NFATC1: variants seen among roughly 807,000 people sequenced by gnomAD.
The protein encoded by NFATC1 is nuclear factor of activated T-cells, cytoplasmic 1.
In NFATC1, 22 loss-of-function variants were observed where a neutral mutation model predicts 76.0. The observed-to-expected ratio is 0.29, with a 90% CI of 0.21 to 0.41. The LOEUF is 0.41. Among genes scored for constraint, NFATC1 ranks in the 10% least tolerant of loss-of-function variants. NFATC1 has a pLI of 1.00. For synonymous variants in NFATC1, 704 were observed against 613.1 expected (o/e 1.15, Z -2.19); for missense variants, 1,357 against 1,337.7 (o/e 1.01, Z -0.23).
chr18:79,470,150 C>A, intron 8 of NFATC1: 1 of 295,374 alleles, frequency 3.4e-6, no homozygotes, highest in Non-Finnish European at 5.0e-6. Context: ...GGGTCCAGCT[C>A]AGATGGCTTC....
At chr18:79,478,896 G>A (rs115243397) in intron 8 of NFATC1, among the ~76,000 whole-genome samples, 121 of 152,312 alleles carry the variant, frequency 7.9e-4, no homozygotes, top group African/African-American at 2.7e-3. Flanking sequence ...GGATGCAAGC[G>A]TGAGGCCTGG....
intron 2 of NFATC1, chr18:79,421,721 A>T (rs561809631): frequency 6.6e-6 from 1 of 152,458 alleles, no homozygotes; most frequent in Admixed American, 6.5e-5. Flanking sequence ...GCTGCGTTGC[A>T]GGCACAGAGA....
chr18:79,433,605 A>T lies in NFATC1; in HGVS notation c.1253A>T (p.Gln418Leu). ...CCGACCCTGCCCGCCCTGGACTGGC[A>T]GCTGCCGTCCCACTCAGGCCCGTAT... ...MSPTLPALDWQLPSHSGPYEL... is the reference protein window; with the variant it reads ...MSPTLPALDWLLPSHSGPYEL... Residue 418 changes from glutamine (Q) to leucine (L), a missense_variant, in exon 3 of 10, where the codon CAG (glutamine) becomes CTG (leucine). Transcript: ENST00000427363. 6.2e-7 allele frequency: 1 copy of T among 1,612,518 alleles called. No homozygotes were observed. The highest frequency in any genetic ancestry group is 1.1e-5 in the South Asian group (1 of 91,028).
chr18:79,519,495 G>C (rs1336358068), intron 9 of NFATC1, among the ~76,000 whole-genome samples: 2 of 151,818 alleles, frequency 1.3e-5, no homozygotes, highest in South Asian at 2.1e-4. Flanking sequence ...ACCATGTCTG[G>C]CTAATTTTTA....
At chr18:79,438,067 T>A (rs1440466494) in intron 3 of NFATC1, among the ~76,000 whole-genome samples, 1 of 152,214 alleles carries the variant, frequency 6.6e-6, no homozygotes, top group Non-Finnish European at 1.5e-5. Context: ...GTTCTCCATC[T>A]GGGGGACTGT....
At chr18:79,444,726 CCCGTGGG>C (rs1301452317) in intron 3 of NFATC1, among the ~76,000 whole-genome samples, 4 of 143,420 alleles carry the variant, frequency 2.8e-5, no homozygotes, top group African/African-American at 8.7e-5. Flanking sequence ...CACAGGCACC[CCCGTGGG>C]CACACACGTG....
chr18:79,454,527 G>A (rs767352718), intron 6 of NFATC1, among the ~76,000 whole-genome samples: 11 of 152,170 alleles, frequency 7.2e-5, no homozygotes, highest in Non-Finnish European at 1.3e-4. Context: ...CCGTAGCCTG[G>A]GTGCCGGGTC....
chr18:79,458,086 A>G (rs907564752), intron 6 of NFATC1, among the ~76,000 whole-genome samples: 1 of 152,148 alleles, frequency 6.6e-6, no homozygotes, highest in African/African-American at 2.4e-5. Context: ...TCCTGAGCAC[A>G]TGCCTCGGTG....
At position 79,501,220 on chromosome 18, in the gene NFATC1, A is replaced by G. The variant is rs900253892; in HGVS notation, c.2782+14283A>G. Among the ~76,000 whole-genome samples the G allele has an allele frequency of 1.3e-5, 2 of 152,252 alleles. 1 individual carries two copies. Among genetic ancestry groups the G allele is most frequent in the Non-Finnish European group, 2.9e-5 (2 of 68,040 alleles). ...TGTACCATATTAATAGAAAAAGGAC[A>G]GAAACCACGTGATCATTTCAATAAA... On this transcript the variant is annotated intron_variant, in intron 9 of 9. Transcript: ENST00000427363.
At chr18:79,491,028 C>CG (rs1281596011) in intron 9 of NFATC1, among the ~76,000 whole-genome samples, 1 of 151,958 alleles carries the variant, frequency 6.6e-6, no homozygotes, top group Non-Finnish European at 1.5e-5. Context: ...ATGGGGACAG[C>CG]GGGAGAGGGA....
intron 1 of NFATC1, among the ~76,000 whole-genome samples, chr18:79,400,836 C>CTCCCCCGCCCT (rs1568909380): frequency 4.2e-5 from 1 of 23,722 alleles, no homozygotes. Context: ...CCCCCGACCC[C>CTCCCCCGCCCT]CCCCCCACCC....
At chr18:79,469,832 G>C in intron 8 of NFATC1, 1 of 985,086 alleles carries the variant, frequency 1.0e-6, no homozygotes, top group Non-Finnish European at 1.2e-6. Context: ...GCCCCCAGGG[G>C]CTCCCCGGCT....
intron 9 of NFATC1, among the ~76,000 whole-genome samples, chr18:79,526,515 G>A (rs550358570): frequency 1.6e-4 from 25 of 152,314 alleles, no homozygotes; most frequent in African/African-American, 5.1e-4. Flanking sequence ...GGCGGGGCCG[G>A]GCATGTGGGG....
intron 2 of NFATC1, among the ~76,000 whole-genome samples, chr18:79,418,755 C>T (rs1287580455): frequency 6.6e-6 from 1 of 152,160 alleles, no homozygotes; most frequent in African/African-American, 2.4e-5. Context: ...TTTCTGCCTG[C>T]GTTGTTTAGT....
chr18:79,485,926 G>A (rs1403990462), intron 8 of NFATC1, among the ~76,000 whole-genome samples: 5 of 152,210 alleles, frequency 3.3e-5, no homozygotes, highest in African/African-American at 1.2e-4. Flanking sequence ...CATCCACGTT[G>A]AAACTTTCGC....
At chr18:79,401,655 AGT>A (rs752175570) in intron 1 of NFATC1, among the ~76,000 whole-genome samples, 2 of 152,146 alleles carry the variant, frequency 1.3e-5, no homozygotes, top group African/African-American at 2.4e-5. Flanking sequence ...GCCATGCGAG[AGT>A]GTCGCCCCAC....
chr18:79,520,579 G>A lies in NFATC1; in HGVS notation c.2783-6949G>A, dbSNP rs554622705. Among the ~76,000 whole-genome samples the A allele has an allele frequency of 8.9e-5, 13 of 145,270 alleles. 1 individual carries two copies. Among genetic ancestry groups the A allele is most frequent in the Admixed American group, 4.8e-4 (7 of 14,658 alleles). ...CACTAATGTGTGTCCGTGTGTGTGG[G>A]GGCATCCGCTGATGTGTGTGTCTGT... On this transcript the variant is annotated intron_variant, in intron 9 of 9. Coordinates refer to ENST00000427363, the MANE Select transcript of NFATC1 (RefSeq NM_001278669.2).
intron 1 of NFATC1, among the ~76,000 whole-genome samples, chr18:79,402,604 G>C (rs2085305685): frequency 6.6e-6 from 1 of 152,206 alleles, no homozygotes; most frequent in African/African-American, 2.4e-5. Flanking sequence ...CGTGGTTTTG[G>C]GCTTTAGGAG....
rs555088340 is a variant in NFATC1 at position 79,462,644 on chromosome 18, C to T, written c.1959+1278C>T. On this transcript the variant is annotated intron_variant, in intron 7 of 9. Transcript: ENST00000427363. ...ATTGATACAGTTGGATTGATCCCTA[C>T]GTTGGATTTTTTGAGTGTTCTGTTT... Among the ~76,000 whole-genome samples the T allele has an allele frequency of 8.1e-4, 124 of 152,210 alleles. 1 individual carries two copies. The highest frequency in any genetic ancestry group is 1.6e-3 in the Non-Finnish European group (106 of 68,026).
Sources: allele counts gnomAD v4.1 joint callset (sites outside exome capture counted in the v4.1 genomes callset), GRCh38; gene constraint gnomAD v4.1.1; transcripts MANE v1.5; gene names NCBI Gene and HGNC (gene_info 2026-07-23, HGNC 2026-07-21).